TIAM1: variants seen among roughly 807,000 people sequenced by gnomAD.
TIAM1 encodes the protein rho guanine nucleotide exchange factor TIAM1.
Under a neutral mutation model 163.5 loss-of-function variants are expected in TIAM1, and 65 were observed. The ratio of observed to expected loss-of-function variants is 0.40; its 90% CI spans 0.33 to 0.49. The LOEUF (loss-of-function observed/expected upper bound fraction) is 0.49. Ranked by LOEUF, TIAM1 falls within the 20% of genes least tolerant of loss-of-function variation. The probability of loss-of-function intolerance (pLI) is 0.77; values close to 1 mark genes in which losing one functional copy is unlikely to be tolerated. For missense variants in TIAM1, 1,789 were observed against 2,044.7 expected (o/e 0.87, Z 2.41); for synonymous variants, 833 against 810.1 (o/e 1.03, Z -0.48).
chr21:31,330,337 G>T (rs2075636972), intron 2 of TIAM1, among the ~76,000 whole-genome samples: 1 of 152,174 alleles, frequency 6.6e-6, no homozygotes, highest in African/African-American at 2.4e-5. Context: ...CTTACTGAAG[G>T]GCATCTTGGT....
At chr21:31,384,447 C>T (rs895268301) in intron 2 of TIAM1, among the ~76,000 whole-genome samples, 4 of 150,980 alleles carry the variant, frequency 2.6e-5, no homozygotes, top group Non-Finnish European at 5.9e-5. Context: ...TGGTGGCACG[C>T]ATTAGTAGTC....
chr21:31,536,413 A>G (rs1205059636), intron 1 of TIAM1, among the ~76,000 whole-genome samples: 1 of 152,164 alleles, frequency 6.6e-6, no homozygotes, highest in Non-Finnish European at 1.5e-5. Context: ...CTGCAAGCAA[A>G]TGGTGCAATC....
chr21:31,441,251 C>T (rs1289570920), intron 2 of TIAM1, among the ~76,000 whole-genome samples: 1 of 152,162 alleles, frequency 6.6e-6, no homozygotes, highest in Non-Finnish European at 1.5e-5. Flanking sequence ...AGGAACTTAG[C>T]AAATATTATA....
chr21:31,348,743 C>G (rs2076188786), upstream of TIAM1, among the ~76,000 whole-genome samples: 1 of 152,164 alleles, frequency 6.6e-6, no homozygotes, highest in Admixed American at 6.5e-5. Context: ...CTTGTTTCAG[C>G]CCTGGATGGG....
chr21:31,259,294 C>A (rs1037643004), intron 4 of TIAM1, among the ~76,000 whole-genome samples: 2 of 152,014 alleles, frequency 1.3e-5, no homozygotes, highest in African/African-American at 2.4e-5. Flanking sequence ...CACCACCACA[C>A]CTGGCTAATT....
At chr21:31,156,035 A>C (rs2083610563) in intron 16 of TIAM1, among the ~76,000 whole-genome samples, 1 of 152,194 alleles carries the variant, frequency 6.6e-6, no homozygotes, top group Non-Finnish European at 1.5e-5. Flanking sequence ...GAAAAGCTAA[A>C]ATCAAGTGTA....
At chr21:31,483,247 C>T (rs1347675391) in intron 1 of TIAM1, among the ~76,000 whole-genome samples, 1 of 152,170 alleles carries the variant, frequency 6.6e-6, no homozygotes. Flanking sequence ...ATCAAGCACC[C>T]TCCCACTCCT....
rs567543609 is a variant in TIAM1 at position 31,235,992 on chromosome 21, T to C, written c.1584+9496A>G. On this transcript the variant is annotated intron_variant, in intron 6 of 27. Transcript: ENST00000541036. ...GGGCTCTGCACCTCAGGAGGTCCCA[T>C]AGTTTGGAGGGCTTTTCTTGAAATT... 8.6e-4 allele frequency among the ~76,000 whole-genome samples: 131 copies of C among 152,284 alleles called. 4 individuals are homozygous for C. In the South Asian group the frequency reaches 0.026, roughly 31 times the overall value.
chr21:31,261,261 C>T (rs1482080971), intron 4 of TIAM1, among the ~76,000 whole-genome samples: 1 of 106,348 alleles, frequency 9.4e-6, no homozygotes, highest in East Asian at 4.4e-4. Flanking sequence ...TCAGCCAAGT[C>T]CTTTTTTTTT....
intron 2 of TIAM1, among the ~76,000 whole-genome samples, chr21:31,320,811 T>C (rs1601950162): frequency 2.0e-5 from 3 of 152,286 alleles, no homozygotes; most frequent in South Asian, 4.1e-4. Flanking sequence ...CTGGCCAACA[T>C]GGTGAAACCC....
intron 1 of TIAM1, among the ~76,000 whole-genome samples, chr21:31,488,191 T>G (rs1256615817): frequency 1.3e-5 from 2 of 152,204 alleles, no homozygotes; most frequent in Admixed American, 6.5e-5. Flanking sequence ...CAGGCAGGAA[T>G]GTCTATGCCG....
intron 11 of TIAM1, among the ~76,000 whole-genome samples, 194 bp downstream of exon 11, chr21:31,209,851 C>T (rs2086636279): frequency 6.6e-6 from 1 of 152,188 alleles, no homozygotes; most frequent in Non-Finnish European, 1.5e-5. Flanking sequence ...TTCCTCTCTT[C>T]CCAAAGGTGA....
At chr21:31,196,940 A>G (rs2085889735) in intron 12 of TIAM1, among the ~76,000 whole-genome samples, 1 of 152,228 alleles carries the variant, frequency 6.6e-6, no homozygotes, top group African/African-American at 2.4e-5. Context: ...TGTTCTTTAC[A>G]GCAACATGGA....
intron 2 of TIAM1, among the ~76,000 whole-genome samples, chr21:31,285,096 A>G (rs1170574766): frequency 6.6e-6 from 1 of 152,194 alleles, no homozygotes; most frequent in Non-Finnish European, 1.5e-5. Context: ...CTTTCAGCCA[A>G]AAATACAGTC....
chr21:31,157,702 C>G (rs149445394), intron 16 of TIAM1, among the ~76,000 whole-genome samples: 1 of 151,930 alleles, frequency 6.6e-6, no homozygotes, highest in Non-Finnish European at 1.5e-5. Context: ...AGAGCAAACC[C>G]GAGTACCCAG....
intron 15 of TIAM1, among the ~76,000 whole-genome samples, 182 bp from the exon 16 acceptor site, chr21:31,165,247 CTAG>C (rs758143415): frequency 2.6e-5 from 4 of 152,160 alleles, no homozygotes; most frequent in African/African-American, 9.7e-5. Context: ...ACTGTTACTA[CTAG>C]TATTATTACT....
chr21:31,299,086 C>T (rs999116609), intron 2 of TIAM1, among the ~76,000 whole-genome samples: 13 of 152,194 alleles, frequency 8.5e-5, no homozygotes, highest in African/African-American at 2.9e-4. Flanking sequence ...TCAGCAACCA[C>T]AGACCAAAAT....
intron 2 of TIAM1, among the ~76,000 whole-genome samples, chr21:31,314,635 G>T (rs1342475127): frequency 6.6e-6 from 1 of 152,068 alleles, no homozygotes; most frequent in Non-Finnish European, 1.5e-5. Flanking sequence ...AATATTGGCT[G>T]CAAACCACTA....
chr21:31,460,346 G>A (rs2147347277), intron 2 of TIAM1, among the ~76,000 whole-genome samples: 1 of 152,348 alleles, frequency 6.6e-6, no homozygotes, highest in African/African-American at 2.4e-5. Context: ...ACTGTTCAAG[G>A]TTGGGCGTGG....
Sources: allele counts gnomAD v4.1 joint callset (sites outside exome capture counted in the v4.1 genomes callset), GRCh38; gene constraint gnomAD v4.1.1; transcripts MANE v1.5; gene names NCBI Gene and HGNC (gene_info 2026-07-23, HGNC 2026-07-21).